MYMX: variants seen among roughly 807,000 people sequenced by gnomAD.
MYMX encodes protein myomixer.
the MYMX span, among the ~76,000 whole-genome samples, chr6:44,196,279 C>T: frequency 6.6e-6 from 1 of 152,124 alleles, no homozygotes; most frequent in Non-Finnish European, 1.5e-5. Flanking sequence ...TCTAGAGCCA[C>T]CCCTACAGTT....
the MYMX span, among the ~76,000 whole-genome samples, chr6:44,203,968 C>A: frequency 6.6e-6 from 1 of 152,176 alleles, no homozygotes; most frequent in East Asian, 1.9e-4. Flanking sequence ...CTGCCTCAGC[C>A]TCCTGAGTAG....
upstream of MYMX, among the ~76,000 whole-genome samples, chr6:44,213,999 T>G (rs761802536): frequency 7.9e-5 from 12 of 152,140 alleles, no homozygotes; most frequent in Non-Finnish European, 1.2e-4. Context: ...TTTATTTTTT[T>G]GTAGAGACAG....
At chr6:44,200,852 T>TGAGTGGG in the MYMX span, among the ~76,000 whole-genome samples, 1 of 152,094 alleles carries the variant, frequency 6.6e-6, no homozygotes. Flanking sequence ...TCCTGTCAGC[T>TGAGTGGG]GAGTGGGGGG....
At chr6:44,205,979 CA>C in the MYMX span, among the ~76,000 whole-genome samples, 53 of 46,736 alleles carry the variant, frequency 1.1e-3, 2 homozygotes, top group Middle Eastern at 0.021. Flanking sequence ...GACCCTTTCT[CA>C]AAAAAAAAAA....
At chr6:44,207,158 A>G in the MYMX span, among the ~76,000 whole-genome samples, 1 of 152,102 alleles carries the variant, frequency 6.6e-6, no homozygotes, top group Admixed American at 6.6e-5. Flanking sequence ...GTGACAGGGA[A>G]GGTCTTTACT....
chr6:44,215,464 C>T (rs1359068778), upstream of MYMX, among the ~76,000 whole-genome samples: 1 of 152,114 alleles, frequency 6.6e-6, no homozygotes, highest in Non-Finnish European at 1.5e-5. Context: ...GTGGTCCCAG[C>T]AACTCGGGAG....
the MYMX span, among the ~76,000 whole-genome samples, chr6:44,196,610 C>A: frequency 6.6e-6 from 1 of 152,102 alleles, no homozygotes; most frequent in Admixed American, 6.6e-5. Flanking sequence ...ACCCGGGAGG[C>A]GGAATTTGCG....
the MYMX span, among the ~76,000 whole-genome samples, chr6:44,198,567 C>T: frequency 6.6e-5 from 10 of 151,424 alleles, no homozygotes; most frequent in Admixed American, 5.9e-4. Context: ...AGTGCAGTGG[C>T]GCAATCTCAG....
chr6:44,217,548 G>T lies in MYMX; in HGVS notation c.77G>T (p.Arg26Leu), dbSNP rs1370370882. The T allele has an allele frequency of 1.2e-5, 5 of 405,170 alleles. No homozygotes were observed. The highest frequency in any genetic ancestry group is 2.2e-5 in the Non-Finnish European group (5 of 229,736). 25.1% of individuals were successfully genotyped at this position (405,170 alleles called of 1,614,324 possible). A position where few individuals can be genotyped will look rare whatever the true frequency, so the allele number is the denominator to read the frequency against. Residue 26 changes from arginine (R) to leucine (L), a missense_variant, in exon 2 of 2, where the codon CGC (arginine) becomes CTC (leucine). Coordinates refer to ENST00000573382, the MANE Select transcript of MYMX (RefSeq NM_001315494.2). ...CLLLPAARLA[R>L]QYLLPLLRRL... is the part of the protein sequence containing the mutation. ...CTGCTGCCTGCTGCCCGCCTGGCCC[G>T]CCAATACCTCCTGCCCCTGCTGCGC...
At chr6:44,196,662 CCAAA>C in the MYMX span, among the ~76,000 whole-genome samples, 3 of 151,348 alleles carry the variant, frequency 2.0e-5, no homozygotes, top group African/African-American at 7.3e-5. Flanking sequence ...GGCTCGGTCT[CCAAA>C]CAAACAAACA....
the MYMX span, among the ~76,000 whole-genome samples, chr6:44,206,006 A>AAAC: frequency 2.0e-5 from 3 of 147,916 alleles, no homozygotes; most frequent in African/African-American, 5.0e-5. Flanking sequence ...AACAAAAAAA[A>AAAC]ACCTCATTTT....
the MYMX span, among the ~76,000 whole-genome samples, chr6:44,202,403 C>A: frequency 1.3e-5 from 2 of 152,020 alleles, no homozygotes; most frequent in Non-Finnish European, 2.9e-5. Flanking sequence ...CAGTCCTCAC[C>A]TTCACAGGTT....
At chr6:44,210,292 T>TG in the MYMX span, among the ~76,000 whole-genome samples, 1 of 151,594 alleles carries the variant, frequency 6.6e-6, no homozygotes, top group South Asian at 2.1e-4. Flanking sequence ...TGTTTTGTTT[T>TG]GTTTTCGTCA....
upstream of MYMX, among the ~76,000 whole-genome samples, chr6:44,216,583 C>T (rs968424153): frequency 1.4e-5 from 2 of 143,822 alleles, no homozygotes; most frequent in African/African-American, 5.2e-5. Flanking sequence ...ACCCAGGAGG[C>T]AGAGGTTGCA....
At chr6:44,209,340 C>T in the MYMX span, among the ~76,000 whole-genome samples, 2 of 151,904 alleles carry the variant, frequency 1.3e-5, no homozygotes, top group Admixed American at 6.6e-5. Flanking sequence ...AATTCATTCT[C>T]GGAGCCATGG....
At chr6:44,194,007 A>T in the MYMX span, among the ~76,000 whole-genome samples, 1 of 152,050 alleles carries the variant, frequency 6.6e-6, no homozygotes, top group African/African-American at 2.4e-5. Flanking sequence ...AGTAATTTCC[A>T]TAGGTAGAGT....
chr6:44,207,131 A>G, the MYMX span, among the ~76,000 whole-genome samples: 1 of 151,816 alleles, frequency 6.6e-6, no homozygotes, highest in African/African-American at 2.4e-5. Flanking sequence ...TTTCACAAAC[A>G]CTATCCTTAA....
the MYMX span, among the ~76,000 whole-genome samples, chr6:44,205,006 C>G: frequency 2.0e-5 from 3 of 152,132 alleles, no homozygotes; most frequent in Non-Finnish European, 4.4e-5. Flanking sequence ...AGTGACACAT[C>G]AGTGCTTCAG....
chr6:44,198,558 G>A, the MYMX span, among the ~76,000 whole-genome samples: 2 of 151,332 alleles, frequency 1.3e-5, no homozygotes, highest in African/African-American at 4.9e-5. Flanking sequence ...CCAGGCTGGA[G>A]TGCAGTGGCG....
Sources: allele counts gnomAD v4.1 joint callset (sites outside exome capture counted in the v4.1 genomes callset), GRCh38; gene constraint gnomAD v4.1.1; transcripts MANE v1.5; gene names NCBI Gene and HGNC (gene_info 2026-07-23, HGNC 2026-07-21).